Variants in OXNAD1 observed in about 807,000 individuals in gnomAD.
OXNAD1 encodes the protein oxidoreductase NAD-binding domain-containing protein 1.
OXNAD1 carries 34 observed loss-of-function variants against 32.9 expected under a neutral mutation model. That is an observed-to-expected ratio of 1.03 (90% CI 0.79 to 1.38). OXNAD1 has a LOEUF of 1.38. OXNAD1 is among the 40% of genes most tolerant of loss of function. OXNAD1 has a pLI of 0.00. For synonymous variants in OXNAD1, 134 were observed against 135.2 expected (o/e 0.99, Z 0.06); for missense variants, 407 against 379.4 (o/e 1.07, Z -0.60).
downstream of OXNAD1, among the ~76,000 whole-genome samples, chr3:16,307,087 T>G (rs2067612557): frequency 6.6e-6 from 1 of 152,268 alleles, no homozygotes; most frequent in Non-Finnish European, 1.5e-5. Context: ...GAAATGAGTC[T>G]GTAAAGAAAT....
At chr3:16,318,506 T>C (rs867887505) in intron 9 of OXNAD1, among the ~76,000 whole-genome samples, 1 of 152,192 alleles carries the variant, frequency 6.6e-6, no homozygotes, top group South Asian at 2.1e-4. Flanking sequence ...AAATGTGCTA[T>C]GTAAATGTTT....
Position 16,304,530 on chromosome 3 carries a change from T to C in OXNAD1, c.*968T>C, listed in dbSNP as rs2067408412. 1 of 152,208 alleles carries C rather than the reference T, an allele frequency of 6.6e-6. No homozygotes were observed. Among genetic ancestry groups the C allele is most frequent in the South Asian group, 2.1e-4 (1 of 4,830 alleles). 9.4% of individuals were successfully genotyped at this position (152,208 alleles called of 1,614,324 possible). ...TTGGGAGGCAGTCCCCTAGAGTGGA[T>C]AGAAAGAATGGTGGAGCCTCATCCC... On this transcript the variant is annotated 3_prime_UTR_variant, in exon 9 of 9. Transcript: ENST00000285083. This position sits in a 1 kb window ranked among gnomAD's most constrained non-coding sequence, Gnocchi z 4.6.
chr3:16,326,741 A>C, intron 9 of OXNAD1: 1 of 1,511,874 alleles, frequency 6.6e-7, no homozygotes, highest in Non-Finnish European at 9.2e-7. Context: ...GTAAGTGTTC[A>C]ATAGAATCCT....
At chr3:16,319,050 C>G (rs2068747300) in intron 9 of OXNAD1, among the ~76,000 whole-genome samples, 1 of 152,232 alleles carries the variant, frequency 6.6e-6, no homozygotes. Flanking sequence ...AGTTTCCAGG[C>G]ACCGTGTTAT....
intron 4 of OXNAD1, among the ~76,000 whole-genome samples, chr3:16,279,562 G>A (rs1290240860): frequency 6.6e-6 from 1 of 151,930 alleles, no homozygotes; most frequent in Non-Finnish European, 1.5e-5. Context: ...AGAGGACTCA[G>A]GACTCAGCCC....
downstream of OXNAD1, among the ~76,000 whole-genome samples, chr3:16,309,346 CCCTATAAAATG>C (rs2067794114): frequency 6.6e-6 from 1 of 152,124 alleles, no homozygotes; most frequent in African/African-American, 2.4e-5. Flanking sequence ...TACCAAGTTA[CCCTATAAAATG>C]CCTAATCAGT....
Position 16,320,607 on chromosome 3 carries a change from G to A in OXNAD1, c.*31-16505G>A, listed in dbSNP as rs550393550. On this transcript the variant is annotated intron_variant, in intron 9 of 9. Transcript: ENST00000435829. This position sits in a 1 kb window ranked among gnomAD's most constrained non-coding sequence, Gnocchi z 4.5. The stretch of plus-strand genomic sequence containing the variant: ...AAGGAGAGCTCTGAAGGAGAAGAAC[G>A]TGGTTCTTTTCCAGGGTAGTACAAA... Among the ~76,000 whole-genome samples, 8 of 152,356 alleles carry A rather than the reference G, an allele frequency of 5.3e-5. No individual in the cohort carries two copies. Among genetic ancestry groups the A allele is most frequent in the African/African-American group, 1.4e-4 (6 of 41,582 alleles).
Position 16,297,566 on chromosome 3 carries a change from C to T in OXNAD1, c.432+2569C>T, listed in dbSNP as rs777139795. Among the ~76,000 whole-genome samples the T allele has an allele frequency of 6.6e-6, 1 of 152,234 alleles. No individual in the cohort carries two copies. Among genetic ancestry groups the T allele is most frequent in the Middle Eastern group, 3.4e-3 (1 of 294 alleles). On this transcript the variant is annotated intron_variant, in intron 6 of 8. Coordinates refer to ENST00000285083, the MANE Select transcript of OXNAD1 (RefSeq NM_138381.5). This position sits in a 1 kb window ranked among gnomAD's most constrained non-coding sequence, Gnocchi z 4.3. ...CATGAATATTTATAGCAGTTCTATTCATAATTATTAAAAACTTCTAGAAAC... is the reference window on the plus strand; with the variant it reads ...CATGAATATTTATAGCAGTTCTATTTATAATTATTAAAAACTTCTAGAAAC...
At chr3:16,283,311 T>C (rs2065875402) in intron 4 of OXNAD1, among the ~76,000 whole-genome samples, 1 of 152,166 alleles carries the variant, frequency 6.6e-6, no homozygotes, top group Admixed American at 6.5e-5. Flanking sequence ...GATTTCGTTG[T>C]ATGGCATAAG....
At position 16,316,998 on chromosome 3, in the gene OXNAD1, C is replaced by T; in HGVS notation, c.*30+13406C>T. On this transcript the variant is annotated intron_variant, in intron 9 of 9. Transcript: ENST00000435829. This position sits in a 1 kb window ranked among gnomAD's most constrained non-coding sequence, Gnocchi z 4.5. ...ACACCCACCCCACACAGCAGGCCACCAGGGGACAGCTGTTCTCCCTTGTCC... is the reference window on the plus strand; with the variant it reads ...ACACCCACCCCACACAGCAGGCCACTAGGGGACAGCTGTTCTCCCTTGTCC... The T allele has an allele frequency of 6.2e-7, 1 of 1,614,040 alleles. No homozygotes were observed. Among genetic ancestry groups the T allele is most frequent in the Non-Finnish European group, 8.5e-7 (1 of 1,180,006 alleles).
At position 16,289,183 on chromosome 3, in the gene OXNAD1, T is replaced by C. The variant is rs899985320; in HGVS notation, c.290+2735T>C. Among the ~76,000 whole-genome samples the C allele has an allele frequency of 6.6e-6, 1 of 152,256 alleles. No homozygotes were observed. The highest frequency in any genetic ancestry group is 1.5e-5 in the Non-Finnish European group (1 of 68,048). The stretch of plus-strand genomic sequence containing the variant: ...TTTGTTATTGCTAATAAGTATTTCA[T>C]TCAGTTAGATCATATGTGCTGATAA... On this transcript the variant is annotated intron_variant, in intron 5 of 8. Transcript: ENST00000285083. This position sits in a 1 kb window ranked among gnomAD's most constrained non-coding sequence, Gnocchi z 4.9.
intron 9 of OXNAD1, among the ~76,000 whole-genome samples, chr3:16,325,577 T>TAACC (rs2069610647): frequency 6.6e-6 from 1 of 152,146 alleles, no homozygotes; most frequent in African/African-American, 2.4e-5. Context: ...AGACTTGGGT[T>TAACC]CAAGTCTTCA....
chr3:16,295,060 T>A (rs2066685401), intron 6 of OXNAD1, 63 bp downstream of exon 6: 2 of 1,503,026 alleles, frequency 1.3e-6, no homozygotes, highest in Non-Finnish European at 1.8e-6. Flanking sequence ...AAAATTTGTG[T>A]TAAGCTCATT....
intron 9 of OXNAD1, among the ~76,000 whole-genome samples, chr3:16,331,162 T>A (rs1423842386): frequency 6.6e-6 from 1 of 152,312 alleles, no homozygotes; most frequent in Non-Finnish European, 1.5e-5. Flanking sequence ...AGACCTTGCC[T>A]TTCACCAATT....
At chr3:16,324,105 GT>G (rs560856336) in intron 9 of OXNAD1, among the ~76,000 whole-genome samples, 172 of 93,742 alleles carry the variant, frequency 1.8e-3, no homozygotes, top group Middle Eastern at 0.01. Flanking sequence ...GAAGATCACT[GT>G]TTTTTTTTTC....
In OXNAD1 at chr3:16,312,592, C is replaced by A. The variant is rs1176030223; in HGVS notation, c.*30+9000C>A. Reference sequence around the variant, plus strand: ...CTCCCTGCAGCACAGTGCCCCTATGCCAGCTAGGAGCTCAGCTAGAGTGGG... The same window carrying A: ...CTCCCTGCAGCACAGTGCCCCTATGACAGCTAGGAGCTCAGCTAGAGTGGG... On this transcript the variant is annotated intron_variant, in intron 9 of 9. Transcript: ENST00000435829. The surrounding 1 kb of genome is among the most constrained non-coding windows in gnomAD (Gnocchi z 4.7). 6.6e-6 allele frequency among the ~76,000 whole-genome samples: 1 copy of A among 152,200 alleles called. No individual in the cohort carries two copies. The highest frequency in any genetic ancestry group is 1.5e-5 in the Non-Finnish European group (1 of 68,032).
intron 9 of OXNAD1, among the ~76,000 whole-genome samples, chr3:16,324,333 C>A (rs191954828): frequency 6.6e-6 from 1 of 152,122 alleles, no homozygotes; most frequent in Non-Finnish European, 1.5e-5. Flanking sequence ...CTATACAAGG[C>A]ATTATTGTTT....
chr3:16,319,169 C>T (rs13320396), intron 9 of OXNAD1, among the ~76,000 whole-genome samples: 11,592 of 152,182 alleles, frequency 0.076, 1,427 homozygotes, highest in African/African-American at 0.26. Flanking sequence ...CAGTCAGAGC[C>T]TCTTCACATT....
intron 4 of OXNAD1, among the ~76,000 whole-genome samples, chr3:16,281,403 G>T (rs1043324111): frequency 6.6e-6 from 1 of 152,088 alleles, no homozygotes; most frequent in Admixed American, 6.5e-5. Context: ...AATCCAAAAC[G>T]TTTTGAGTAC....
Sources: allele counts gnomAD v4.1 joint callset (sites outside exome capture counted in the v4.1 genomes callset), GRCh38; gene constraint gnomAD v4.1.1; non-coding constraint Gnocchi (gnomAD v3.1); transcripts MANE v1.5; gene names NCBI Gene and HGNC (gene_info 2026-07-23, HGNC 2026-07-21).